Variants in PCDHGA6 observed in about 807,000 individuals in gnomAD.
PCDHGA6 encodes protocadherin gamma subfamily A, 6.
PCDHGA6 carries 41 observed loss-of-function variants against 60.6 expected under a neutral mutation model. The ratio of observed to expected loss-of-function variants is 0.68; its 90% CI spans 0.53 to 0.88. PCDHGA6 has a LOEUF of 0.88. Ranked by LOEUF, PCDHGA6 falls within the 40% of genes least tolerant of loss-of-function variation. The pLI is 0.00. For missense variants in PCDHGA6, 1,312 were observed against 1,203.0 expected, an observed-to-expected ratio of 1.09 and a Z score of -1.34; for synonymous variants, 594 against 524.4, an observed-to-expected ratio of 1.13 and a Z score of -1.81.
At chr5:141,479,849 C>T (rs1014214860) in intron 1 of PCDHGA6, among the ~76,000 whole-genome samples, 7 of 152,208 alleles carry the variant, frequency 4.6e-5, no homozygotes. Context: ...AAGGTGACTG[C>T]AAGGCCTTTG....
chr5:141,435,290 A>G (rs2097756551), intron 1 of PCDHGA6, among the ~76,000 whole-genome samples: 1 of 152,158 alleles, frequency 6.6e-6, no homozygotes, highest in African/African-American at 2.4e-5. Context: ...ATCCCAAGTC[A>G]TTTCATGGTT....
chr5:141,397,700 G>A (rs2093557870), intron 1 of PCDHGA6, among the ~76,000 whole-genome samples: 2 of 152,224 alleles, frequency 1.3e-5, no homozygotes, highest in Admixed American at 1.3e-4. Flanking sequence ...AAAACCCAAC[G>A]TGATATTTCT....
intron 1 of PCDHGA6, chr5:141,478,171 G>A (rs141465380): frequency 7.3e-5 from 118 of 1,613,942 alleles, no homozygotes; most frequent in African/African-American, 1.5e-4. Flanking sequence ...CCCCCCGGGA[G>A]CAGAAAAAAA....
rs754294132 is a variant in PCDHGA6, at chr5:141,389,121, A to G, written c.2424+12614A>G. ...AGATGCTGTTCTAGACCGCGAGCAG[A>G]ATCCAGAGTACAATATAACCGTTAC... is the stretch of plus-strand genomic sequence containing the variant. On this transcript the variant is annotated intron_variant, in intron 1 of 3. Coordinates refer to ENST00000517434, the MANE Select transcript of PCDHGA6 (RefSeq NM_018919.3). The G allele has an allele frequency of 1.1e-5, 17 of 1,613,910 alleles. No individual in the cohort carries two copies. In the Admixed American group the frequency reaches 2.8e-4, roughly 27 times the overall value.
chr5:141,473,974 C>G (rs958240236), intron 1 of PCDHGA6, among the ~76,000 whole-genome samples: 33 of 152,054 alleles, frequency 2.2e-4, no homozygotes, highest in Admixed American at 2.2e-3. Context: ...AAGTCTGAGG[C>G]GGGAGGATCC....
At chr5:141,409,423 T>C in intron 1 of PCDHGA6, 1 of 1,614,026 alleles carries the variant, frequency 6.2e-7, no homozygotes. Flanking sequence ...TGGTGACAGA[T>C]GGAGCCCTGG....
chr5:141,488,292 G>A (rs961688781), intron 1 of PCDHGA6, among the ~76,000 whole-genome samples: 1 of 152,216 alleles, frequency 6.6e-6, no homozygotes, highest in African/African-American at 2.4e-5. Flanking sequence ...AAAACAGTAA[G>A]TGAAATCACT....
chr5:141,400,453 C>T (rs1329103788), intron 1 of PCDHGA6: 1 of 1,614,056 alleles, frequency 6.2e-7, no homozygotes, highest in Admixed American at 1.7e-5. Context: ...ACAAGACATA[C>T]TTTGTGGTGA....
In PCDHGA6 at chr5:141,511,308, G is replaced by A. The variant is rs76613492; in HGVS notation, c.*135G>A. ...AGGGGCCAAGGCCATGCTCCCCTTG[G>A]GAAACAGAAACAAGTGCCCAGTCAG... is the stretch of plus-strand genomic sequence containing the variant. On this transcript the variant is annotated 3_prime_UTR_variant, in exon 4 of 4. Coordinates refer to ENST00000517434, the MANE Select transcript of PCDHGA6 (RefSeq NM_018919.3). 1.1e-3 allele frequency: 1,589 copies of A among 1,487,716 alleles called. 16 individuals carry two copies. In the African/African-American group the frequency reaches 0.021, roughly 19 times the overall value. The allele number at this position is 1,487,716 out of a possible 1,614,324, so 92.2% of individuals were successfully genotyped here.
intron 1 of PCDHGA6, chr5:141,410,481 G>C: frequency 6.2e-7 from 1 of 1,613,966 alleles, no homozygotes; most frequent in Non-Finnish European, 8.5e-7. Flanking sequence ...GCACATACGG[G>C]TACAAAAGAG....
intron 1 of PCDHGA6, chr5:141,426,979 A>G (rs762085745): frequency 4.2e-5 from 19 of 456,640 alleles, no homozygotes; most frequent in Non-Finnish European, 7.5e-5. Flanking sequence ...GAGGTCACTG[A>G]TGCCAACGAT....
chr5:141,431,709 T>A lies in PCDHGA6; in HGVS notation c.2424+55202T>A. 6.2e-7 allele frequency: 1 copy of A among 1,614,168 alleles called. No individual in the cohort carries two copies. Among genetic ancestry groups the A allele is most frequent in the Non-Finnish European group, 8.5e-7 (1 of 1,180,018 alleles). ...CACGAGGAGTCAGGATTCTACCAGA[T>A]GGAAGTGCAAGCAATGGATAATGCA... On this transcript the variant is annotated intron_variant, in intron 1 of 3. Coordinates refer to ENST00000517434, the MANE Select transcript of PCDHGA6 (RefSeq NM_018919.3). This position sits in a 1 kb window ranked among gnomAD's most constrained non-coding sequence, Gnocchi z 4.8.
chr5:141,392,366 G>C (rs956315393), intron 1 of PCDHGA6: 4 of 152,962 alleles, frequency 2.6e-5, no homozygotes, highest in East Asian at 1.9e-4. Context: ...GCTACAATCT[G>C]ATCATTCTGA....
chr5:141,399,643 C>T, intron 1 of PCDHGA6: 1 of 1,613,832 alleles, frequency 6.2e-7, no homozygotes, highest in Non-Finnish European at 8.5e-7. Context: ...CATGAGCGCG[C>T]AAAGTGGGGT....
chr5:141,419,671 G>T (rs532058652), intron 1 of PCDHGA6: 1 of 1,612,894 alleles, frequency 6.2e-7, no homozygotes, highest in East Asian at 2.2e-5. Context: ...ATGCCTGGCT[G>T]TCCTACCACG....
intron 1 of PCDHGA6, chr5:141,441,578 C>T (rs889509502): frequency 2.9e-5 from 6 of 207,738 alleles, no homozygotes; most frequent in Non-Finnish European, 5.9e-5. Flanking sequence ...CCAACCTAGA[C>T]TTGGGACCCA....
chr5:141,486,029 C>G lies in PCDHGA6; in HGVS notation c.2425-8778C>G. Reference sequence around the variant, plus strand: ...CACCTTTTATTTCAGTGGTCATACCCCTGATCGTGTAAGAAACCTCTTTAG... The same window carrying G: ...CACCTTTTATTTCAGTGGTCATACCGCTGATCGTGTAAGAAACCTCTTTAG... On this transcript the variant is annotated intron_variant, in intron 1 of 3. Transcript: ENST00000517434. The surrounding 1 kb of genome is among the most constrained non-coding windows in gnomAD (Gnocchi z 5.0). 6.2e-7 allele frequency: 1 copy of G among 1,614,016 alleles called. No homozygotes were observed. Among genetic ancestry groups the G allele is most frequent in the Non-Finnish European group, 8.5e-7 (1 of 1,179,900 alleles).
At chr5:141,408,882 ACATAGAAATTTCTGTCAAG>A (rs745313321) in intron 1 of PCDHGA6, 50 of 1,613,286 alleles carry the variant, frequency 3.1e-5, no homozygotes, top group Non-Finnish European at 4.1e-5. Context: ...GCCACCGCTC[ACATAGAAATTTCTGTCAAG>A]GATACCAATG....
intron 1 of PCDHGA6, chr5:141,409,494 C>G (rs755680835): frequency 6.2e-7 from 1 of 1,614,028 alleles, no homozygotes; most frequent in Non-Finnish European, 8.5e-7. Flanking sequence ...GGCAAGCCGC[C>G]TCTTTCTTCC....
Sources: allele counts gnomAD v4.1 joint callset (sites outside exome capture counted in the v4.1 genomes callset), GRCh38; gene constraint gnomAD v4.1.1; non-coding constraint Gnocchi (gnomAD v3.1); transcripts MANE v1.5; gene names NCBI Gene and HGNC (gene_info 2026-07-23, HGNC 2026-07-21).